Variants in LNX2 observed in about 807,000 individuals in gnomAD.
LNX2 encodes ligand of Numb protein X 2.
A neutral mutation model predicts 66.2 loss-of-function variants in LNX2; 35 were observed. The observed-to-expected ratio is 0.53, with a 90% confidence interval of 0.40 to 0.70. The LOEUF is 0.70. Among genes scored for constraint, LNX2 ranks in the 30% least tolerant of loss-of-function variants. The pLI is 0.00. For synonymous variants in LNX2, 337 were observed against 315.6 expected, an observed-to-expected ratio of 1.07 and a Z score of -0.72; for missense variants, 791 against 850.8, an observed-to-expected ratio of 0.93 and a Z score of 0.87.
intron 2 of LNX2, among the ~76,000 whole-genome samples, chr13:27,577,644 G>T (rs1005018595): frequency 6.6e-6 from 1 of 152,106 alleles, no homozygotes; most frequent in African/African-American, 2.4e-5. Context: ...TCATGAACAA[G>T]AAAAGTTCTC....
At chr13:27,593,348 C>A (rs1955564364) in intron 1 of LNX2, among the ~76,000 whole-genome samples, 1 of 152,154 alleles carries the variant, frequency 6.6e-6, no homozygotes, top group Admixed American at 6.5e-5. Context: ...TCCCTCACCT[C>A]CATTTCATCT....
chr13:27,559,088 G>T (rs934942351), intron 6 of LNX2, among the ~76,000 whole-genome samples: 2 of 152,108 alleles, frequency 1.3e-5, no homozygotes, highest in Non-Finnish European at 2.9e-5. Flanking sequence ...CCCACTGGAA[G>T]TTAAGAGTTC....
chr13:27,579,936 G>A (rs76262960), intron 2 of LNX2, among the ~76,000 whole-genome samples: 384 of 152,192 alleles, frequency 2.5e-3, no homozygotes, highest in African/African-American at 7.4e-3. Context: ...ATTATTACAC[G>A]CATTTTCAAA....
chr13:27,588,984 G>A (rs1955522413), intron 1 of LNX2, among the ~76,000 whole-genome samples: 1 of 152,130 alleles, frequency 6.6e-6, no homozygotes, highest in African/African-American at 2.4e-5. Flanking sequence ...AGACACTTGT[G>A]CCAAAAAGAG....
In LNX2 at chr13:27,583,206, G is replaced by GTCCTCTCCAATATAACTT. The variant is rs1566124658; in HGVS notation, c.-100-1404_-100-1403insAAGTTATATTGGAGAGGA. On this transcript the variant is annotated intron_variant, in intron 1 of 9. Transcript: ENST00000316334. ...TGTGTGTGTGTGTGTGTGTGTGTGT[G>GTCCTCTCCAATATAACTT]TGTGTGTGTGTGTGTGTGTGTGTGT... Among the ~76,000 whole-genome samples the GTCCTCTCCAATATAACTT allele has an allele frequency of 2.9e-3, 53 of 18,010 alleles. 4 individuals carry two copies. Among genetic ancestry groups the GTCCTCTCCAATATAACTT allele is most frequent in the African/African-American group, 7.0e-3 (23 of 3,280 alleles). 11.8% of individuals were successfully genotyped at this position (18,010 alleles called of 152,430 possible).
At chr13:27,565,561 G>A (rs73446837) in intron 4 of LNX2, among the ~76,000 whole-genome samples, 2,942 of 152,242 alleles carry the variant, frequency 0.019, 98 homozygotes, top group African/African-American at 0.067. Context: ...TACAAGTTGT[G>A]CCAGCCTGTG....
At chr13:27,579,236 G>T (rs1955373492) in intron 2 of LNX2, among the ~76,000 whole-genome samples, 1 of 152,142 alleles carries the variant, frequency 6.6e-6, no homozygotes, top group Admixed American at 6.5e-5. Context: ...TTATTTAAGA[G>T]AACAGAGAAA....
intron 1 of LNX2, among the ~76,000 whole-genome samples, chr13:27,619,294 T>C (rs1955864461): frequency 6.6e-6 from 1 of 151,518 alleles, no homozygotes; most frequent in Non-Finnish European, 1.5e-5. Context: ...AGATTCCCGC[T>C]TCCTTCTTTA....
At chr13:27,587,989 C>T (rs1288191351) in intron 1 of LNX2, among the ~76,000 whole-genome samples, 2 of 145,538 alleles carry the variant, frequency 1.4e-5, no homozygotes, top group Admixed American at 7.1e-5. Context: ...CCACTTCACT[C>T]CAGTCTGGGC....
intron 2 of LNX2, among the ~76,000 whole-genome samples, chr13:27,578,473 A>C (rs1435032920): frequency 1.3e-5 from 2 of 152,210 alleles, no homozygotes; most frequent in Non-Finnish European, 2.9e-5. Context: ...TTGGTTTTAG[A>C]ACATGGCTGC....
In LNX2 at chr13:27,553,391, T is replaced by C. The variant is rs1955026940; in HGVS notation, c.1595A>G (p.His532Arg). ...INGIDLTNLSHSEAVAMLKAS... is the reference protein window; with the variant it reads ...INGIDLTNLSRSEAVAMLKAS... ...TTTCAGCATTGCAACTGCCTCACTGTGACTTAAATTGGTCAAATCAATGCC... is the reference window on the plus strand; with the variant it reads ...TTTCAGCATTGCAACTGCCTCACTGCGACTTAAATTGGTCAAATCAATGCC... Residue 532 changes from histidine (H) to arginine (R), a missense_variant, in exon 8 of 10, where the codon CAC (histidine) becomes CGC (arginine). Transcript: ENST00000316334. 6.2e-7 allele frequency: 1 copy of C among 1,614,080 alleles called. No homozygotes were observed. The highest frequency in any genetic ancestry group is 1.1e-5 in the South Asian group (1 of 91,094).
At chr13:27,609,012 T>C (rs2138473837) in intron 1 of LNX2, among the ~76,000 whole-genome samples, 2 of 152,256 alleles carry the variant, frequency 1.3e-5, no homozygotes, top group African/African-American at 4.8e-5. Context: ...AGGCTTGTCT[T>C]GAACTCCTGG....
At chr13:27,611,704 G>A (rs1955774999) in intron 1 of LNX2, among the ~76,000 whole-genome samples, 1 of 145,572 alleles carries the variant, frequency 6.9e-6, no homozygotes, top group African/African-American at 2.8e-5. Context: ...GAGATATACT[G>A]TCTAAGTGCA....
At chr13:27,617,601 A>C (rs1220924284) in intron 1 of LNX2, among the ~76,000 whole-genome samples, 1 of 152,192 alleles carries the variant, frequency 6.6e-6, no homozygotes, top group Admixed American at 6.5e-5. Flanking sequence ...CCTAATATTC[A>C]ATGTCAACAC....
At position 27,570,153 on chromosome 13, in the gene LNX2, T is replaced by C. The variant is rs138868470; in HGVS notation, c.408-877A>G. The stretch of plus-strand genomic sequence containing the variant: ...GACTAATAACCCCTAGTTTGAAGGA[T>C]GGGAGGAGGACAAAAAGATTAGTGA... On this transcript the variant is annotated intron_variant, in intron 2 of 9. Coordinates refer to ENST00000316334, the MANE Select transcript of LNX2 (RefSeq NM_153371.4). Among the ~76,000 whole-genome samples the C allele has an allele frequency of 1.5e-3, 221 of 152,278 alleles. 1 individual carries two copies. Among genetic ancestry groups the C allele is most frequent in the African/African-American group, 5.0e-3 (208 of 41,548 alleles).
At chr13:27,567,210 G>C (rs1227582303) in intron 4 of LNX2, among the ~76,000 whole-genome samples, 1 of 152,046 alleles carries the variant, frequency 6.6e-6, no homozygotes, top group East Asian at 1.9e-4. Context: ...TTCTTTTCTA[G>C]ATTTTAGTAG....
chr13:27,612,235 C>A (rs1483109449), intron 1 of LNX2, among the ~76,000 whole-genome samples: 1 of 152,154 alleles, frequency 6.6e-6, no homozygotes, highest in Non-Finnish European at 1.5e-5. Context: ...AAGAACAAAA[C>A]CCTCATTGGG....
At chr13:27,595,654 A>T (rs1455325548) in intron 1 of LNX2, among the ~76,000 whole-genome samples, 1 of 152,206 alleles carries the variant, frequency 6.6e-6, no homozygotes, top group East Asian at 1.9e-4. Context: ...CTAAGATTCT[A>T]TCATATCTGT....
intron 1 of LNX2, among the ~76,000 whole-genome samples, chr13:27,595,227 C>A (rs1326783301): frequency 6.6e-6 from 1 of 152,280 alleles, no homozygotes; most frequent in East Asian, 1.9e-4. Context: ...CTCAAGTAAA[C>A]ACTCTGCTGT....
Sources: allele counts gnomAD v4.1 joint callset (sites outside exome capture counted in the v4.1 genomes callset), GRCh38; gene constraint gnomAD v4.1.1; transcripts MANE v1.5; gene names NCBI Gene and HGNC (gene_info 2026-07-23, HGNC 2026-07-21).